Variants in INTS10 observed in about 807,000 individuals in gnomAD.
INTS10 encodes integrator complex subunit 10, also known as chromosome 8 open reading frame 35.
Under a neutral mutation model 94.4 loss-of-function variants are expected in INTS10, and 44 were observed. The ratio of observed to expected loss-of-function variants is 0.47; its 90% CI spans 0.37 to 0.60. INTS10 has a LOEUF of 0.60. Among genes scored for constraint, INTS10 ranks in the 20% least tolerant of loss-of-function variants. The pLI is 0.00. For missense variants in INTS10, 797 were observed against 868.7 expected, an observed-to-expected ratio of 0.92 and a Z score of 1.04; for synonymous variants, 341 against 320.7, an observed-to-expected ratio of 1.06 and a Z score of -0.68.
intron 12 of INTS10, among the ~76,000 whole-genome samples, chr8:19,836,452 G>T (rs1275634771): frequency 6.6e-6 from 1 of 152,162 alleles, no homozygotes; most frequent in African/African-American, 2.4e-5. Flanking sequence ...CTGTGTCCTA[G>T]ACCAAACCGC....
In INTS10 at chr8:19,851,520, G is replaced by GAATATTAAAATATTCT; in HGVS notation, c.1977-129_1977-128insAATATTAAAATATTCT. Reference sequence around the variant, plus strand: ...TGTTTGGTTGGTTGCAGCTATTCTTGTGTTCTTTTTAAAATATCTGAAATT... The same window carrying GAATATTAAAATATTCT: ...TGTTTGGTTGGTTGCAGCTATTCTTGAATATTAAAATATTCTTGTTCTTTTTAAAATATCTGAAATT... On this transcript the variant is annotated intron_variant, in intron 16 of 16. Coordinates refer to ENST00000397977, the MANE Select transcript of INTS10 (RefSeq NM_018142.4). This position sits in a 1 kb window ranked among gnomAD's most constrained non-coding sequence, Gnocchi z 5.0. The GAATATTAAAATATTCT allele has an allele frequency of 1.2e-6, 1 of 819,052 alleles. No homozygotes were observed. The allele number at this position is 819,052 out of a possible 1,614,324, so 50.7% of individuals were successfully genotyped here. A position where few individuals can be genotyped will look rare whatever the true frequency, so the allele number is the denominator to read the frequency against.
chr8:19,837,573 A>C (rs1030840563), intron 13 of INTS10: 39 of 160,034 alleles, frequency 2.4e-4, no homozygotes, highest in Non-Finnish European at 4.1e-5. Context: ...TGTCTTTACA[A>C]TTCTAGAAAA....
intron 2 of INTS10, chr8:19,818,632 G>A: frequency 4.9e-6 from 2 of 406,982 alleles, no homozygotes; most frequent in Non-Finnish European, 9.1e-6. Context: ...TTGTTATAGA[G>A]AACAAAAAGT....
intron 11 of INTS10, among the ~76,000 whole-genome samples, 178 bp from the exon 12 acceptor site, chr8:19,832,991 T>C (rs1325644084): frequency 6.6e-6 from 1 of 152,246 alleles, no homozygotes; most frequent in Non-Finnish European, 1.5e-5. Flanking sequence ...CACCTGGCTT[T>C]AATTAAGTTG....
At chr8:19,835,258 T>C (rs1405046208) in intron 12 of INTS10, among the ~76,000 whole-genome samples, 2 of 152,178 alleles carry the variant, frequency 1.3e-5, no homozygotes, top group Non-Finnish European at 2.9e-5. Flanking sequence ...TTTCCAACCC[T>C]ATAAAATTAT....
chr8:19,824,524 C>T (rs1007021339), intron 7 of INTS10: 5 of 296,326 alleles, frequency 1.7e-5, no homozygotes, highest in Non-Finnish European at 3.0e-5. Context: ...AAACAGATTT[C>T]TAACTGAAAT....
Position 19,818,255 on chromosome 8 carries a change from G to T in INTS10, c.130-20G>T. 1 of 1,613,152 alleles carries T rather than the reference G, an allele frequency of 6.2e-7. No individual in the cohort carries two copies. Among genetic ancestry groups the T allele is most frequent in the African/African-American group, 1.3e-5 (1 of 75,058 alleles). ...TTCTGGGCAGGGGTGAGTGACCAGG[G>T]TGCCTGATGTGTGTTGCAGTATGAG... On this transcript the variant is annotated intron_variant, in intron 1 of 16. Coordinates refer to ENST00000397977, the MANE Select transcript of INTS10 (RefSeq NM_018142.4).
Position 19,817,443 on chromosome 8 carries a change from T to TGGC in INTS10, c.-80_-78dup, listed in dbSNP as rs71205947. 528 of 1,481,536 alleles carry TGGC rather than the reference T, an allele frequency of 3.6e-4. No homozygotes were observed. The highest frequency in any genetic ancestry group is 2.1e-3 in the East Asian group (88 of 41,500). The allele number at this position is 1,481,536 out of a possible 1,614,324, so 91.8% of individuals were successfully genotyped here. ...ACATGCGCAGTAGCCTCCCCCGCGG[T>TGGC]GGCGGCGGCGGCGGCGGTGGCTGCC... On this transcript the variant is annotated 5_prime_UTR_variant, in exon 1 of 17. Coordinates refer to ENST00000397977, the MANE Select transcript of INTS10 (RefSeq NM_018142.4).
rs566682490 is a variant in INTS10 at position 19,843,003 on chromosome 8, C to G, written c.1719+76C>G. 9.8e-6 allele frequency: 10 copies of G among 1,025,254 alleles called. No homozygotes were observed. Among genetic ancestry groups the G allele is most frequent in the Middle Eastern group, 2.0e-4 (1 of 4,920 alleles). 63.5% of individuals were successfully genotyped at this position (1,025,254 alleles called of 1,614,324 possible). On this transcript the variant is annotated intron_variant, in intron 14 of 16. Coordinates refer to ENST00000397977, the MANE Select transcript of INTS10 (RefSeq NM_018142.4). This position sits in a 1 kb window ranked among gnomAD's most constrained non-coding sequence, Gnocchi z 4.7. ...TCTCATGACTCGAGAACTTGAGAAC[C>G]TTGCTAAGGATTGTTATTTTAGTAC...
chr8:19,818,452 T>C (rs2066115275), intron 2 of INTS10, 110 bp downstream of exon 2: 1 of 1,106,680 alleles, frequency 9.0e-7, no homozygotes, highest in South Asian at 1.3e-5. Flanking sequence ...CATCTATATC[T>C]TCGATACCTA....
In INTS10 at chr8:19,823,933, T is replaced by C. The variant is rs2066591440; in HGVS notation, c.725T>C (p.Ile242Thr). Residue 242 changes from isoleucine to threonine, a missense_variant, in exon 7 of 17, where the codon ATA (isoleucine) becomes ACA (threonine). Ile to Thr is a moderately conservative substitution (Grantham distance 89). Transcript: ENST00000397977. ...AAACGTAGCTCTCAGAAGTACATAATAGAAGGGCTGACGGAAAAATCATCC... is the reference window on the plus strand; with the variant it reads ...AAACGTAGCTCTCAGAAGTACATAACAGAAGGGCTGACGGAAAAATCATCC... ...PSKRSSQKYI[I>T]EGLTEKSSQI... The C allele has an allele frequency of 1.9e-6, 3 of 1,613,828 alleles. No homozygotes were observed. The highest frequency in any genetic ancestry group is 2.2e-5 in the East Asian group (1 of 44,854).
At chr8:19,837,720 TA>T (rs2067773387) in intron 13 of INTS10, among the ~76,000 whole-genome samples, 1 of 151,992 alleles carries the variant, frequency 6.6e-6, no homozygotes, top group African/African-American at 2.4e-5. Context: ...ATACATAAAT[TA>T]AACTTGAAGA....
intron 13 of INTS10, among the ~76,000 whole-genome samples, chr8:19,840,569 G>A (rs2068053579): frequency 6.6e-6 from 1 of 152,152 alleles, no homozygotes; most frequent in South Asian, 2.1e-4. Context: ...AATCAAGACA[G>A]AGTTGACAAA....
chr8:19,823,324 A>G lies in INTS10; in HGVS notation c.547A>G (p.Ile183Val), dbSNP rs780230543. Residue 183 changes from isoleucine (I) to valine (V), a missense_variant, in exon 6 of 17, where the codon ATT becomes GTT. This residue lies in a region of INTS10 where 734 missense variants were observed against 787.8 expected (regional missense o/e 0.93). Transcript: ENST00000397977. Reference protein sequence around the residue: ...LFVCDVLPLIINNHDVRLPAN... With the variant: ...LFVCDVLPLIVNNHDVRLPAN... ...AGTTTGTGATGTCCTTCCTCTAATA[A>G]TTAACAACCATGATGTTCGATTACC... The G allele has an allele frequency of 6.2e-7, 1 of 1,608,344 alleles. No individual in the cohort carries two copies.
intron 7 of INTS10, 68 bp downstream of exon 7, chr8:19,824,112 C>T (rs935615828): frequency 1.0e-5 from 14 of 1,348,538 alleles, no homozygotes; most frequent in Non-Finnish European, 1.3e-5. Context: ...CAAAATCATG[C>T]TTTTTAAATC....
In INTS10 at chr8:19,849,088, C is replaced by CTG. The variant is rs1162885559; in HGVS notation, c.1977-2560_1977-2559dup. 1 of 612,948 alleles carries CTG rather than the reference C, an allele frequency of 1.6e-6. No individual in the cohort carries two copies. The highest frequency in any genetic ancestry group is 6.8e-5 in the East Asian group (1 of 14,604). The allele number at this position is 612,948 out of a possible 1,614,324, so 38.0% of individuals were successfully genotyped here. ...CTGCTTCTAGTCTTGTGTATTTTCTCTGGAGTGTTGTTTTTGCAGTGCAGG... is the reference window on the plus strand; with the variant it reads ...CTGCTTCTAGTCTTGTGTATTTTCTCTGTGGAGTGTTGTTTTTGCAGTGCAGG... On this transcript the variant is annotated intron_variant, in intron 16 of 16. Coordinates refer to ENST00000397977, the MANE Select transcript of INTS10 (RefSeq NM_018142.4). The surrounding 1 kb of genome is among the most constrained non-coding windows in gnomAD (Gnocchi z 4.6).
intron 5 of INTS10, 39 bp downstream of exon 5, chr8:19,822,559 T>C (rs538386502): frequency 8.0e-7 from 1 of 1,256,136 alleles, no homozygotes; most frequent in African/African-American, 1.5e-5. Flanking sequence ...CTATGGTAAA[T>C]TAATATGCTG....
chr8:19,845,725 T>G lies in INTS10; in HGVS notation c.1904T>G (p.Phe635Cys), dbSNP rs931640631. The G allele has an allele frequency of 6.2e-7, 1 of 1,613,564 alleles. No individual in the cohort carries two copies. Among genetic ancestry groups the G allele is most frequent in the South Asian group, 1.1e-5 (1 of 91,064 alleles). Residue 635 changes from phenylalanine (F) to cysteine (C), a missense_variant, in exon 16 of 17, where the codon TTT (phenylalanine) becomes TGT (cysteine). Phe to Cys is a radical substitution (Grantham distance 205). Transcript: ENST00000397977. ...YVTNIDMLEE[F>C]AYLRTQEGGK... The stretch of plus-strand genomic sequence containing the variant: ...GCAGATATTGATATGCTGGAGGAAT[T>G]TGCCTACTTGAGAACTCAGGAAGGT...
At chr8:19,819,510 T>C (rs2066199741) in intron 2 of INTS10, 63 bp from the exon 3 acceptor site, 1 of 1,301,942 alleles carries the variant, frequency 7.7e-7, no homozygotes, top group African/African-American at 1.5e-5. Flanking sequence ...ATGCTAACGT[T>C]TTTTCTTTTG....
Sources: allele counts gnomAD v4.1 joint callset (sites outside exome capture counted in the v4.1 genomes callset), GRCh38; gene constraint gnomAD v4.1.1; regional missense constraint gnomAD v4.1.1; non-coding constraint Gnocchi (gnomAD v3.1); transcripts MANE v1.5; gene names NCBI Gene and HGNC (gene_info 2026-07-23, HGNC 2026-07-21).